The following HAPSTR1 variants were observed in gnomAD, a reference collection of about 807,000 sequenced individuals.
HAPSTR1 encodes HUWE1-associated protein modifying stress responses 1.
At chr16:9,112,781 A>T in the HAPSTR1 span, 1 of 152,180 alleles carries the variant, frequency 6.6e-6, no homozygotes, top group South Asian at 2.1e-4. Context: ...TTTCCTTTTC[A>T]AAGTATGATG....
the HAPSTR1 span, among the ~76,000 whole-genome samples, chr16:9,095,150 A>G: frequency 6.6e-6 from 1 of 152,240 alleles, no homozygotes; most frequent in Admixed American, 6.5e-5. Context: ...CTGTACAGTG[A>G]AAACACATCC....
chr16:9,091,881 C>T, the HAPSTR1 span: 8 of 483,448 alleles, frequency 1.7e-5, no homozygotes, highest in Admixed American at 4.5e-5. Context: ...CGGGGCGGGG[C>T]TCGCCGGCCG....
the HAPSTR1 span, chr16:9,108,402 T>C: frequency 6.6e-6 from 1 of 152,200 alleles, no homozygotes; most frequent in Non-Finnish European, 1.5e-5. Flanking sequence ...TCCAGGCTGG[T>C]CTCGAACTCA....
At chr16:9,114,889 A>G in the HAPSTR1 span, among the ~76,000 whole-genome samples, 1 of 152,236 alleles carries the variant, frequency 6.6e-6, no homozygotes, top group Admixed American at 6.5e-5. Flanking sequence ...TACCTGACAC[A>G]GGAAGTATTC....
the HAPSTR1 span, among the ~76,000 whole-genome samples, chr16:9,097,572 G>A: frequency 1.3e-5 from 2 of 152,166 alleles, no homozygotes; most frequent in Admixed American, 6.5e-5. Context: ...TATGTTGGTT[G>A]CAAGTATGAG....
At chr16:9,093,243 G>A in the HAPSTR1 span, among the ~76,000 whole-genome samples, 1 of 152,106 alleles carries the variant, frequency 6.6e-6, no homozygotes, top group South Asian at 2.1e-4. Context: ...TCCTAGAAGG[G>A]GCTGTTGTTG....
At chr16:9,104,938 G>C in the HAPSTR1 span, 5 of 152,156 alleles carry the variant, frequency 3.3e-5, no homozygotes, top group Admixed American at 6.5e-5. Context: ...GTCATTCCAT[G>C]CTTCTCTTAA....
the HAPSTR1 span, among the ~76,000 whole-genome samples, chr16:9,113,489 T>A: frequency 1.3e-5 from 2 of 152,186 alleles, no homozygotes; most frequent in Non-Finnish European, 2.9e-5. Flanking sequence ...TCTGATACAG[T>A]GTTTTGAGCC....
the HAPSTR1 span, among the ~76,000 whole-genome samples, chr16:9,094,848 CCT>C: frequency 6.6e-6 from 1 of 152,164 alleles, no homozygotes; most frequent in East Asian, 1.9e-4. Context: ...ATGGGATTGT[CCT>C]CTGGCTTTGG....
the HAPSTR1 span, chr16:9,117,779 G>A: frequency 6.6e-6 from 1 of 152,658 alleles, no homozygotes; most frequent in East Asian, 1.9e-4. Flanking sequence ...ATTAGTGAGA[G>A]GGAGAGGGAG....
At chr16:9,114,155 G>A in the HAPSTR1 span, among the ~76,000 whole-genome samples, 1 of 152,132 alleles carries the variant, frequency 6.6e-6, no homozygotes, top group Non-Finnish European at 1.5e-5. Flanking sequence ...GCCGGTTGGG[G>A]AAGAGGAAGT....
the HAPSTR1 span, chr16:9,103,288 A>T: frequency 6.3e-7 from 1 of 1,597,176 alleles, no homozygotes; most frequent in East Asian, 2.2e-5. Context: ...ATTTCTTTGG[A>T]AAAATGGTTA....
the HAPSTR1 span, chr16:9,116,771 C>G: frequency 6.2e-7 from 1 of 1,614,048 alleles, no homozygotes. Context: ...GAAATGGACT[C>G]CATGATGTCG....
At chr16:9,119,538 CATGGCTGA>C in the HAPSTR1 span, 2 of 152,182 alleles carry the variant, frequency 1.3e-5, no homozygotes, top group East Asian at 3.8e-4. Flanking sequence ...GCGTTCTGAG[CATGGCTGA>C]AGTATTAAAA....
the HAPSTR1 span, chr16:9,104,114 CTT>C: frequency 2.7e-3 from 369 of 136,626 alleles, no homozygotes; most frequent in Non-Finnish European, 4.4e-3. Context: ...TCCTTTTTTT[CTT>C]TTTTTTTTTT....
the HAPSTR1 span, among the ~76,000 whole-genome samples, chr16:9,116,346 C>T: frequency 3.3e-5 from 5 of 152,182 alleles, no homozygotes; most frequent in Non-Finnish European, 7.3e-5. Context: ...CTGTCCTTAT[C>T]TGTAAATTTT....
At chr16:9,096,844 T>A in the HAPSTR1 span, among the ~76,000 whole-genome samples, 3 of 152,242 alleles carry the variant, frequency 2.0e-5, no homozygotes, top group African/African-American at 7.2e-5. Flanking sequence ...TAAAATTTTT[T>A]TTTAATGAAA....
chr16:9,107,282 TACATAA>T, the HAPSTR1 span: 6 of 152,254 alleles, frequency 3.9e-5, no homozygotes, highest in Admixed American at 3.9e-4. Flanking sequence ...TCTCTGGAAA[TACATAA>T]ACATAGAGCG....
the HAPSTR1 span, among the ~76,000 whole-genome samples, chr16:9,099,439 C>T: frequency 2.0e-5 from 3 of 152,148 alleles, no homozygotes. Context: ...GTGATCCACC[C>T]ACCTTGACCT....
Sources: allele counts gnomAD v4.1 joint callset (sites outside exome capture counted in the v4.1 genomes callset), GRCh38; gene constraint gnomAD v4.1.1; transcripts MANE v1.5; gene names NCBI Gene and HGNC (gene_info 2026-07-23, HGNC 2026-07-21).